The following NBAS variants were observed in gnomAD, a reference collection of about 807,000 sequenced individuals.
NBAS encodes NBAS subunit of NRZ tethering complex, also known as NAG/BC035112 fusion.
Under a neutral mutation model 302.5 loss-of-function variants are expected in NBAS, and 219 were observed. The ratio of observed to expected loss-of-function variants is 0.72; its 90% CI spans 0.65 to 0.81. NBAS has a LOEUF of 0.81. Ranked by LOEUF, NBAS falls within the 30% of genes least tolerant of loss-of-function variation. The pLI is 0.00. For missense variants in NBAS, 2,932 were observed against 2,841.6 expected, an observed-to-expected ratio of 1.03 and a Z score of -0.72; for synonymous variants, 1,118 against 1,021.6, an observed-to-expected ratio of 1.09 and a Z score of -1.80.
At chr2:15,391,037 G>A (rs951650931) in intron 28 of NBAS, among the ~76,000 whole-genome samples, 8 of 151,962 alleles carry the variant, frequency 5.3e-5, no homozygotes, top group African/African-American at 1.9e-4. Context: ...TTGAACCCTG[G>A]AGGTGGGGGT....
the NBAS span, among the ~76,000 whole-genome samples, chr2:14,895,013 G>A: frequency 3.3e-5 from 5 of 152,218 alleles, no homozygotes; most frequent in Admixed American, 6.5e-5. Flanking sequence ...CTGAGATCAC[G>A]TCACTGCACT....
At chr2:15,300,688 T>G (rs938517012) in intron 40 of NBAS, among the ~76,000 whole-genome samples, 3 of 152,190 alleles carry the variant, frequency 2.0e-5, no homozygotes, top group Non-Finnish European at 4.4e-5. Context: ...AGCAAGAGAA[T>G]TCCTGTCTTC....
chr2:15,355,319 A>AAACAACAAC lies in NBAS; in HGVS notation c.3931+975_3931+983dup, dbSNP rs200554858. 2.6e-5 allele frequency among the ~76,000 whole-genome samples: 4 copies of AAACAACAAC among 152,042 alleles called. No individual in the cohort carries two copies. In the South Asian group the frequency reaches 8.3e-4, roughly 32 times the overall value. On this transcript the variant is annotated intron_variant, in intron 33 of 51. Transcript: ENST00000281513. ...ATTTAGTACAGAGCCCATGATAAGA[A>AAACAACAAC]AACAACAACAACAACAACAACAACA...
the NBAS span, among the ~76,000 whole-genome samples, chr2:15,145,307 GC>G: frequency 6.6e-6 from 1 of 151,898 alleles, no homozygotes; most frequent in Admixed American, 6.6e-5. Context: ...TAAGCCCTGT[GC>G]TTTTACACGC....
chr2:14,925,609 T>A, the NBAS span, among the ~76,000 whole-genome samples: 1 of 152,186 alleles, frequency 6.6e-6, no homozygotes, highest in African/African-American at 2.4e-5. Flanking sequence ...ATGGCATTTT[T>A]CCCTTTCATG....
At chr2:14,961,032 T>C in the NBAS span, among the ~76,000 whole-genome samples, 1 of 152,046 alleles carries the variant, frequency 6.6e-6, no homozygotes, top group Non-Finnish European at 1.5e-5. Context: ...CAAAGCAAGA[T>C]GGAGAAGACA....
At chr2:14,869,363 G>A in the NBAS span, among the ~76,000 whole-genome samples, 2 of 152,108 alleles carry the variant, frequency 1.3e-5, no homozygotes, top group Admixed American at 6.6e-5. Flanking sequence ...GGGTAATTCT[G>A]GAGTACACTC....
intron 11 of NBAS, among the ~76,000 whole-genome samples, chr2:15,493,888 G>A (rs865942981): frequency 2.1e-5 from 3 of 144,396 alleles, no homozygotes; most frequent in Non-Finnish European, 3.0e-5. Flanking sequence ...GTACAGTGGT[G>A]CAATCTCAGC....
At chr2:15,144,421 C>T in the NBAS span, among the ~76,000 whole-genome samples, 1 of 152,192 alleles carries the variant, frequency 6.6e-6, no homozygotes, top group African/African-American at 2.4e-5. Context: ...GAAAGAATGA[C>T]TTTTATGTTT....
intron 44 of NBAS, among the ~76,000 whole-genome samples, chr2:15,268,336 C>A (rs759036242): frequency 6.6e-6 from 1 of 152,154 alleles, no homozygotes; most frequent in African/African-American, 2.4e-5. Flanking sequence ...GAAGTATATC[C>A]GTCCAACAAT....
chr2:15,221,461 A>T (rs1300504867), intron 47 of NBAS, among the ~76,000 whole-genome samples: 1 of 152,208 alleles, frequency 6.6e-6, no homozygotes, highest in Non-Finnish European at 1.5e-5. Flanking sequence ...TCAAAGCACT[A>T]TAGTTTGTGC....
At chr2:15,157,682 T>C in the NBAS span, among the ~76,000 whole-genome samples, 12 of 152,076 alleles carry the variant, frequency 7.9e-5, no homozygotes, top group Non-Finnish European at 1.5e-4. Context: ...GAAGAGGTGG[T>C]CTTGAAATGT....
At chr2:15,279,777 C>A (rs986400881) in intron 42 of NBAS, among the ~76,000 whole-genome samples, 1 of 152,114 alleles carries the variant, frequency 6.6e-6, no homozygotes, top group Non-Finnish European at 1.5e-5. Context: ...TTACAAGGTG[C>A]TAAGATCTTT....
At chr2:15,421,917 C>CCT (rs1340540978) in intron 23 of NBAS, among the ~76,000 whole-genome samples, 1 of 152,132 alleles carries the variant, frequency 6.6e-6, no homozygotes, top group Non-Finnish European at 1.5e-5. Flanking sequence ...AACCACACAA[C>CCT]CTCTCCCACT....
chr2:15,328,217 TG>T lies in NBAS; in HGVS notation c.4442del (p.Ser1481Ter). ...TCCTTACCTCAGCGACAAAAGGATT[TG>T]AGATGACAGATTCATAAAAAGGATG... The part of the protein sequence containing the change: ...GCHPFYESVI[S>X]NPFVAESEGT... On this transcript the variant is annotated frameshift_variant, in exon 37 of 52. Transcript: ENST00000281513. LOFTEE classifies it high-confidence loss of function. The T allele has an allele frequency of 6.2e-7, 1 of 1,613,656 alleles. No individual in the cohort carries two copies.
chr2:15,486,063 C>T (rs773861354), intron 12 of NBAS, among the ~76,000 whole-genome samples: 17 of 152,090 alleles, frequency 1.1e-4, no homozygotes, highest in Non-Finnish European at 2.2e-4. Flanking sequence ...GAGGGGTGGC[C>T]GACCCCGGCC....
the NBAS span, among the ~76,000 whole-genome samples, chr2:14,912,716 A>ATT: frequency 6.7e-5 from 5 of 74,508 alleles, no homozygotes; most frequent in African/African-American, 3.0e-4. Context: ...AAAAAAAAAA[A>ATT]AAAAAAAAAA....
chr2:15,554,199 C>G (rs1664533176), intron 3 of NBAS, 61 bp from the exon 4 acceptor site: 8 of 1,260,906 alleles, frequency 6.3e-6, no homozygotes, highest in Admixed American at 1.8e-5. Context: ...TATATGCAGA[C>G]AAATAGCACA....
intron 11 of NBAS, among the ~76,000 whole-genome samples, chr2:15,494,329 T>C (rs927573038): frequency 1.3e-5 from 2 of 151,720 alleles, no homozygotes; most frequent in African/African-American, 4.8e-5. Context: ...TTTCTCTCTT[T>C]TTGAAATAAA....
Sources: allele counts gnomAD v4.1 joint callset (sites outside exome capture counted in the v4.1 genomes callset), GRCh38; gene constraint gnomAD v4.1.1; transcripts MANE v1.5; gene names NCBI Gene and HGNC (gene_info 2026-07-23, HGNC 2026-07-21).